Variants in WIF1 observed in about 807,000 individuals in gnomAD.
WIF1 encodes the protein Wnt inhibitory factor 1.
Under a neutral mutation model 53.5 loss-of-function variants are expected in WIF1, and 35 were observed. The ratio of observed to expected loss-of-function variants is 0.65; its 90% CI spans 0.50 to 0.87. WIF1 has a LOEUF of 0.87. Ranked by LOEUF, WIF1 falls within the 40% of genes least tolerant of loss-of-function variation. The probability of loss-of-function intolerance (pLI) is 0.00; values close to 1 mark genes in which losing one functional copy is unlikely to be tolerated. For synonymous variants in WIF1, 171 were observed against 170.4 expected (o/e 1.00, Z -0.03); for missense variants, 467 against 476.8 (o/e 0.98, Z 0.19).
intron 2 of WIF1, among the ~76,000 whole-genome samples, chr12:65,110,004 G>A (rs1208147941): frequency 6.6e-6 from 1 of 152,146 alleles, no homozygotes. Context: ...TTTGATTTCT[G>A]TAAATCTGGA....
chr12:65,071,636 T>C (rs1882775900), intron 3 of WIF1, among the ~76,000 whole-genome samples: 1 of 152,210 alleles, frequency 6.6e-6, no homozygotes, highest in Non-Finnish European at 1.5e-5. Context: ...ATAATAACTC[T>C]AGCCCTTAAA....
intron 3 of WIF1, among the ~76,000 whole-genome samples, chr12:65,072,860 T>C (rs1442360566): frequency 1.3e-5 from 2 of 152,184 alleles, no homozygotes; most frequent in African/African-American, 4.8e-5. Flanking sequence ...TTAGGCCAGA[T>C]ATGAATTCCA....
At chr12:65,099,045 C>T (rs184975939) in intron 2 of WIF1, among the ~76,000 whole-genome samples, 268 of 152,270 alleles carry the variant, frequency 1.8e-3, no homozygotes, top group African/African-American at 6.1e-3. Flanking sequence ...GAATATAGCT[C>T]ATTCTGCATA....
intron 2 of WIF1, among the ~76,000 whole-genome samples, chr12:65,103,470 A>G (rs1216991934): frequency 5.3e-5 from 8 of 152,242 alleles, no homozygotes; most frequent in Non-Finnish European, 1.5e-5. Context: ...TAGACAATAT[A>G]GGACATGCAA....
chr12:65,072,531 T>C (rs1450885733), intron 3 of WIF1, among the ~76,000 whole-genome samples: 2 of 152,180 alleles, frequency 1.3e-5, no homozygotes, highest in African/African-American at 4.8e-5. Context: ...ACAAACTAGG[T>C]ACCAACAGAT....
At chr12:65,060,927 C>T (rs945852594) in intron 7 of WIF1, among the ~76,000 whole-genome samples, 1 of 151,998 alleles carries the variant, frequency 6.6e-6, no homozygotes, top group Non-Finnish European at 1.5e-5. Flanking sequence ...ACCAAGAATA[C>T]AAAACATTGT....
intron 3 of WIF1, among the ~76,000 whole-genome samples, chr12:65,070,718 C>A (rs1243498991): frequency 6.6e-6 from 1 of 152,140 alleles, no homozygotes; most frequent in Non-Finnish European, 1.5e-5. Context: ...CTCTCCTTTG[C>A]AGCCCACCTG....
intron 7 of WIF1, among the ~76,000 whole-genome samples, chr12:65,057,453 C>T (rs1236947744): frequency 2.0e-5 from 3 of 152,020 alleles, no homozygotes; most frequent in Non-Finnish European, 2.9e-5. Flanking sequence ...ATTTATTATC[C>T]CTCTGCAATC....
chr12:65,056,142 A>C lies in WIF1; in HGVS notation c.827-16T>G, dbSNP rs777869089. On this transcript the variant is annotated splice_polypyrimidine_tract_variant and intron_variant, in intron 7 of 9. Coordinates refer to ENST00000286574, the MANE Select transcript of WIF1 (RefSeq NM_007191.5). ...GGGCATTTGCCTGAAAAAGAGAAGA[A>C]TGCAGCTAAACAAGGAACCTGGTGC... 1.2e-6 allele frequency: 2 copies of C among 1,611,356 alleles called. No homozygotes were observed. Among genetic ancestry groups the C allele is most frequent in the South Asian group, 2.2e-5 (2 of 90,846 alleles).
chr12:65,051,964 C>A (rs182899037), intron 9 of WIF1, among the ~76,000 whole-genome samples: 1 of 152,132 alleles, frequency 6.6e-6, no homozygotes, highest in Non-Finnish European at 1.5e-5. Flanking sequence ...TAAGAACTTC[C>A]ATTATATGTG....
chr12:65,084,230 A>G (rs1883000945), intron 2 of WIF1, among the ~76,000 whole-genome samples: 1 of 152,170 alleles, frequency 6.6e-6, no homozygotes, highest in Non-Finnish European at 1.5e-5. Context: ...CATTTTTATA[A>G]CATTCTTTGA....
chr12:65,120,839 A>G (rs1883597899), intron 1 of WIF1, among the ~76,000 whole-genome samples: 1 of 152,258 alleles, frequency 6.6e-6, no homozygotes, highest in South Asian at 2.1e-4. Context: ...AATTAACAAC[A>G]GCATGATCAG....
rs535796699 is a variant in WIF1 at position 65,069,722 on chromosome 12, G to A, written c.398-818C>T. ...AGTCACAAAGCAGGGATTGGGAACT[G>A]AAGACATTGCTGTACAAAGAGGGAA... On this transcript the variant is annotated intron_variant, in intron 3 of 9. Transcript: ENST00000286574. Among the ~76,000 whole-genome samples, 44 of 152,294 alleles carry A rather than the reference G, an allele frequency of 2.9e-4. 1 individual carries two copies. The South Asian group carries it at 4.8e-3, about 16-fold the overall frequency.
rs184813777 is a variant in WIF1, at chr12:65,105,393, C to T, written c.288+15024G>A. 1.1e-4 allele frequency among the ~76,000 whole-genome samples: 16 copies of T among 152,256 alleles called. No homozygotes were observed. In the East Asian group the frequency reaches 2.9e-3, roughly 28 times the overall value. On this transcript the variant is annotated intron_variant, in intron 2 of 9. Coordinates refer to ENST00000286574, the MANE Select transcript of WIF1 (RefSeq NM_007191.5). ...ACTGGGCTCAGGGTATTAAGCCATG[C>T]TGCCTGTCTGTTTTGTGTTGCTGTA... is the stretch of plus-strand genomic sequence containing the variant.
chr12:65,088,167 C>T (rs11610885), intron 2 of WIF1, among the ~76,000 whole-genome samples: 30,728 of 152,004 alleles, frequency 0.2, 3,340 homozygotes, highest in Admixed American at 0.25. Context: ...CAATTGTCCT[C>T]CCAATCCCCA....
intron 3 of WIF1, among the ~76,000 whole-genome samples, chr12:65,074,197 T>G (rs1188914000): frequency 1.3e-5 from 2 of 151,902 alleles, no homozygotes; most frequent in Non-Finnish European, 2.9e-5. Context: ...TTTTTTTTAT[T>G]ATACTTTAAG....
chr12:65,095,606 G>A (rs1883191351), intron 2 of WIF1: 1 of 152,058 alleles, frequency 6.6e-6, no homozygotes. Context: ...AAGAAAACCA[G>A]TAACACCAAA....
At chr12:65,053,805 C>T (rs1440250033) in intron 9 of WIF1, among the ~76,000 whole-genome samples, 1 of 151,300 alleles carries the variant, frequency 6.6e-6, no homozygotes, top group Admixed American at 6.6e-5. Flanking sequence ...ATAAGCAAAA[C>T]TTAGAAATTA....
chr12:65,080,619 A>G (rs1481672046), intron 2 of WIF1, among the ~76,000 whole-genome samples: 1 of 152,132 alleles, frequency 6.6e-6, no homozygotes, highest in Non-Finnish European at 1.5e-5. Flanking sequence ...TTTATTTGGC[A>G]CTATGAAAGG....
Sources: gnomAD v4.1 joint callset for allele counts (sites outside exome capture counted in the v4.1 genomes callset) on GRCh38, gnomAD v4.1.1 for gene constraint, MANE v1.5 for transcripts, NCBI Gene and HGNC (gene_info 2026-07-23, HGNC 2026-07-21) for gene names.